The following NTRK2 variants were observed in gnomAD, a reference collection of about 807,000 sequenced individuals.
NTRK2 encodes neurotrophic receptor tyrosine kinase 2.
In NTRK2, 13 loss-of-function variants were observed where a neutral mutation model predicts 94.5. The observed-to-expected ratio is 0.14, with a 90% CI of 0.09 to 0.22. The LOEUF (loss-of-function observed/expected upper bound fraction) is 0.22. NTRK2 is among the 10% of genes least tolerant of loss of function. NTRK2 has a pLI of 1.00. For missense variants in NTRK2, 639 were observed against 1,071.2 expected (o/e 0.60, Z 5.63); for synonymous variants, 372 against 407.4 (o/e 0.91, Z 1.05).
chr9:84,947,775 G>A (rs1310535848), intron 15 of NTRK2, among the ~76,000 whole-genome samples: 1 of 152,246 alleles, frequency 6.6e-6, no homozygotes, highest in Non-Finnish European at 1.5e-5. Flanking sequence ...CATGCCAAGA[G>A]CTCAGCACAT....
chr9:84,673,673 A>C (rs1247799271), intron 2 of NTRK2, among the ~76,000 whole-genome samples: 1 of 151,978 alleles, frequency 6.6e-6, no homozygotes, highest in African/African-American at 2.4e-5. Context: ...TAGATTAACC[A>C]AGAGGTAGGA....
intron 2 of NTRK2, among the ~76,000 whole-genome samples, chr9:84,689,142 A>G (rs1465946271): frequency 6.6e-6 from 1 of 152,236 alleles, no homozygotes; most frequent in Non-Finnish European, 1.5e-5. Context: ...GCTATCTTCA[A>G]ATATGATTCA....
rs573241709 is a variant in NTRK2 at position 84,836,704 on chromosome 9, A to T, written c.1397-24336A>T. Among the ~76,000 whole-genome samples, 4 of 148,892 alleles carry T rather than the reference A, an allele frequency of 2.7e-5. No homozygotes were observed. In the South Asian group the frequency reaches 6.7e-4, roughly 25 times the overall value. On this transcript the variant is annotated intron_variant, in intron 12 of 18. Coordinates refer to ENST00000277120, the MANE Select transcript of NTRK2 (RefSeq NM_006180.6). ...ATTTTGGAAATGCTCACTATGGTTC[A>T]TACAGTGATTATCACTACCACCTCC...
intron 12 of NTRK2, among the ~76,000 whole-genome samples, chr9:84,785,245 A>G (rs1252385164): frequency 6.6e-6 from 1 of 152,178 alleles, no homozygotes; most frequent in Non-Finnish European, 1.5e-5. Context: ...ACAGGCCCTT[A>G]AACAACAGGA....
intron 14 of NTRK2, among the ~76,000 whole-genome samples, chr9:84,924,226 AAGT>A (rs1227764987): frequency 8.4e-5 from 12 of 142,822 alleles, no homozygotes; most frequent in African/African-American, 3.1e-4. Flanking sequence ...CAAAGAAAGA[AAGT>A]AGAAAGAAAG....
intron 6 of NTRK2, among the ~76,000 whole-genome samples, chr9:84,717,870 C>G (rs1379946295): frequency 2.6e-5 from 4 of 152,094 alleles, no homozygotes; most frequent in Non-Finnish European, 5.9e-5. Context: ...ATTATGTACT[C>G]AAATCTGCTT....
chr9:84,693,467 GTGTAATTTTTTTCTTTATAATATTT>G (rs1299454595), intron 2 of NTRK2, among the ~76,000 whole-genome samples: 1 of 152,044 alleles, frequency 6.6e-6, no homozygotes, highest in African/African-American at 2.4e-5. Flanking sequence ...GAAATACAGA[GTGTAATTTTTTTCTTTATAATATTT>G]TGAAGATTTT....
intron 9 of NTRK2, among the ~76,000 whole-genome samples, chr9:84,732,178 G>A (rs2062937651): frequency 6.6e-6 from 1 of 152,106 alleles, no homozygotes; most frequent in South Asian, 2.1e-4. Context: ...TACAACTTGT[G>A]ACAATCAGAC....
chr9:84,828,353 A>G (rs2073317566), intron 12 of NTRK2, among the ~76,000 whole-genome samples: 1 of 152,182 alleles, frequency 6.6e-6, no homozygotes, highest in Admixed American at 6.5e-5. Flanking sequence ...TATATGTTGA[A>G]GCTGAAAATT....
At chr9:84,970,267 G>T (rs549855868) in intron 17 of NTRK2, among the ~76,000 whole-genome samples, 1 of 151,958 alleles carries the variant, frequency 6.6e-6, no homozygotes, top group South Asian at 2.1e-4. Context: ...TGTGGTGGTG[G>T]GCGCCTGTAA....
chr9:84,716,691 C>T (rs2265), intron 6 of NTRK2, among the ~76,000 whole-genome samples: 89,055 of 152,044 alleles, frequency 0.59, 26,232 homozygotes, highest in East Asian at 0.71. Flanking sequence ...TTTTATCTCC[C>T]AAATCAAGCA....
intron 14 of NTRK2, among the ~76,000 whole-genome samples, chr9:84,910,614 A>G (rs1298803869): frequency 6.6e-6 from 1 of 152,154 alleles, no homozygotes; most frequent in Non-Finnish European, 1.5e-5. Flanking sequence ...AGGACTCAGC[A>G]GCCATATATT....
At chr9:84,901,726 A>G (rs113244273) in intron 14 of NTRK2, among the ~76,000 whole-genome samples, 127 of 152,216 alleles carry the variant, frequency 8.3e-4, no homozygotes, top group Non-Finnish European at 1.6e-3. Context: ...AGAGTGAGCT[A>G]ACCCCAGTCC....
At chr9:84,851,834 G>C (rs916303729) in intron 12 of NTRK2, among the ~76,000 whole-genome samples, 1 of 152,122 alleles carries the variant, frequency 6.6e-6, no homozygotes, top group African/African-American at 2.4e-5. Context: ...GCGGTGCTTT[G>C]CATGAGCTAC....
intron 12 of NTRK2, among the ~76,000 whole-genome samples, chr9:84,801,908 A>G (rs1295533713): frequency 6.6e-6 from 1 of 152,208 alleles, no homozygotes; most frequent in African/African-American, 2.4e-5. Flanking sequence ...CTTTTCATCT[A>G]TATGACATTT....
chr9:84,861,521 G>A (rs1466003251), intron 13 of NTRK2, among the ~76,000 whole-genome samples: 1 of 152,200 alleles, frequency 6.6e-6, no homozygotes, highest in African/African-American at 2.4e-5. Flanking sequence ...TTCCATTTAT[G>A]ACCATTCCTC....
chr9:84,936,809 A>G (rs1323447916), intron 15 of NTRK2, among the ~76,000 whole-genome samples: 2 of 152,252 alleles, frequency 1.3e-5, no homozygotes, highest in African/African-American at 4.8e-5. Flanking sequence ...ATTCATTCTA[A>G]CTTCATGGTC....
chr9:84,772,507 C>T (rs572579208), intron 12 of NTRK2, among the ~76,000 whole-genome samples: 1 of 152,248 alleles, frequency 6.6e-6, no homozygotes, highest in South Asian at 2.1e-4. Context: ...CTCGGCCTCC[C>T]AAGGTGCTGA....
At chr9:84,753,300 T>C (rs1279776881) in intron 12 of NTRK2, among the ~76,000 whole-genome samples, 2 of 152,114 alleles carry the variant, frequency 1.3e-5, no homozygotes, top group Non-Finnish European at 2.9e-5. Flanking sequence ...GTGATTTTAA[T>C]TCATCCTGTG....
Sources: gnomAD v4.1 joint callset for allele counts (sites outside exome capture counted in the v4.1 genomes callset) on GRCh38, gnomAD v4.1.1 for gene constraint, MANE v1.5 for transcripts, NCBI Gene and HGNC (gene_info 2026-07-23, HGNC 2026-07-21) for gene names.